Variants in NBEA observed in about 807,000 individuals in gnomAD.
NBEA encodes lysosomal-trafficking regulator 2.
In NBEA, 44 loss-of-function variants were observed where a neutral mutation model predicts 343.4. That is an observed-to-expected ratio of 0.13 (90% confidence interval 0.10 to 0.16). NBEA has a LOEUF of 0.16. Ranked by LOEUF, NBEA falls within the 10% of genes least tolerant of loss-of-function variation. The pLI, the probability that NBEA is intolerant of heterozygous loss-of-function variation, is 1.00. For synonymous variants in NBEA, 1,175 were observed against 1,238.7 expected (o/e 0.95, Z 1.08); for missense variants, 2,555 against 3,631.3 (o/e 0.70, Z 7.62).
intron 41 of NBEA, among the ~76,000 whole-genome samples, chr13:35,494,251 G>A (rs1031206697): frequency 6.6e-6 from 1 of 151,970 alleles, no homozygotes; most frequent in Admixed American, 6.6e-5. Context: ...AGTGAGATAT[G>A]TCAGAAGACT....
chr13:35,331,465 C>T (rs1005630149), intron 36 of NBEA, among the ~76,000 whole-genome samples: 11 of 152,006 alleles, frequency 7.2e-5, no homozygotes. Context: ...AACGTAGATA[C>T]AAACTAGTTC....
chr13:35,636,659 A>G (rs543580022), intron 49 of NBEA, among the ~76,000 whole-genome samples: 1 of 152,258 alleles, frequency 6.6e-6, no homozygotes, highest in Admixed American at 6.5e-5. Flanking sequence ...ATCAGCCAGC[A>G]TAGAGTTTAG....
chr13:35,372,697 T>C (rs569716864), intron 38 of NBEA, among the ~76,000 whole-genome samples: 2 of 152,140 alleles, frequency 1.3e-5, no homozygotes, highest in East Asian at 1.9e-4. Flanking sequence ...GTGGTGTCTA[T>C]CCTTAGCACA....
Position 35,196,049 on chromosome 13 carries a change from T to G in NBEA, c.5113T>G (p.Ser1705Ala). ...CCCTGATGCCATGAGTGAACTCTTA[T>G]CCACTTTGTCATCCGAAGTGAAGAA... ...TGPDAMSELL[S>A]TLSSEVKKSQ... The change falls in exon 31 of 59, where the codon TCC (serine) becomes GCC (alanine). Residue 1705 changes from serine (S) to alanine (A), a missense_variant. Coordinates refer to ENST00000379939, the MANE Select transcript of NBEA (RefSeq NM_001385012.1). 1 of 1,613,668 alleles carries G rather than the reference T, an allele frequency of 6.2e-7. No individual in the cohort carries two copies. The highest frequency in any genetic ancestry group is 8.5e-7 in the Non-Finnish European group (1 of 1,179,752).
intron 47 of NBEA, among the ~76,000 whole-genome samples, chr13:35,597,879 C>T (rs2081879986): frequency 6.6e-6 from 1 of 152,130 alleles, no homozygotes; most frequent in South Asian, 2.1e-4. Context: ...GACTCCACTT[C>T]CTGATGAGAT....
chr13:35,275,495 T>C (rs1337496497), intron 34 of NBEA, among the ~76,000 whole-genome samples: 1 of 152,050 alleles, frequency 6.6e-6, no homozygotes, highest in East Asian at 1.9e-4. Flanking sequence ...AAAGCCAAAA[T>C]AGACAAATGG....
Position 35,063,550 on chromosome 13 carries a change from A to G in NBEA, c.1239+4687A>G, listed in dbSNP as rs188986816. On this transcript the variant is annotated intron_variant, in intron 8 of 58. Transcript: ENST00000379939. Reference sequence around the variant, plus strand: ...ACAGAAGGAGCAAGGGGAAGAGTCAAGGAAGATTAATTCAGAGAACAATTA... The same window carrying G: ...ACAGAAGGAGCAAGGGGAAGAGTCAGGGAAGATTAATTCAGAGAACAATTA... 1.4e-4 allele frequency among the ~76,000 whole-genome samples: 21 copies of G among 152,128 alleles called. No homozygotes were observed. In the East Asian group the frequency reaches 3.9e-3, roughly 28 times the overall value.
intron 38 of NBEA, among the ~76,000 whole-genome samples, chr13:35,368,637 ACAAT>A (rs1327556629): frequency 2.6e-5 from 4 of 151,606 alleles, no homozygotes; most frequent in Admixed American, 6.6e-5. Flanking sequence ...ACTTCTTGAA[ACAAT>A]CTATACTCCA....
chr13:35,369,945 A>G (rs1347096668), intron 38 of NBEA, among the ~76,000 whole-genome samples: 1 of 151,942 alleles, frequency 6.6e-6, no homozygotes, highest in East Asian at 1.9e-4. Flanking sequence ...GTGTCATAAC[A>G]TATAGTCAGT....
chr13:35,494,750 C>A (rs901439046), intron 41 of NBEA, among the ~76,000 whole-genome samples: 1 of 151,968 alleles, frequency 6.6e-6, no homozygotes, highest in Non-Finnish European at 1.5e-5. Flanking sequence ...TGCAGTGGCT[C>A]CGTAATTTCA....
rs1210693528 is a variant in NBEA at position 35,397,374 on chromosome 13, A to G, written c.6180-34895A>G. Among the ~76,000 whole-genome samples, 5 of 152,150 alleles carry G rather than the reference A, an allele frequency of 3.3e-5. 1 individual carries two copies. The highest frequency in any genetic ancestry group is 3.9e-4 in the East Asian group (2 of 5,190). ...CAACTTCTCATAGAGGCTTTCCCCA[A>G]CCATACTGTATATAATATTTCTAGT... On this transcript the variant is annotated intron_variant, in intron 38 of 58. Coordinates refer to ENST00000379939, the MANE Select transcript of NBEA (RefSeq NM_001385012.1).
In NBEA at chr13:35,142,213, G is replaced by A. The variant is rs891167554; in HGVS notation, c.2337-56G>A. The stretch of plus-strand genomic sequence containing the variant: ...TTGTTCTCTCTTATCTAAAAGTCAT[G>A]TGATCGGAGAATCCAATGTGTTTCA... On this transcript the variant is annotated intron_variant, in intron 17 of 58. Transcript: ENST00000379939. 37 of 1,079,150 alleles carry A rather than the reference G, an allele frequency of 3.4e-5. 1 individual carries two copies. The highest frequency in any genetic ancestry group is 7.8e-5 in the African/African-American group (5 of 63,972). 66.8% of individuals were successfully genotyped at this position (1,079,150 alleles called of 1,614,324 possible). A position where few individuals can be genotyped will look rare whatever the true frequency, so the allele number is the denominator to read the frequency against.
At chr13:35,583,673 C>G (rs1204100521) in intron 45 of NBEA, among the ~76,000 whole-genome samples, 1 of 152,062 alleles carries the variant, frequency 6.6e-6, no homozygotes, top group Non-Finnish European at 1.5e-5. Context: ...TTGGTAAAGT[C>G]TAGATACTTT....
chr13:35,463,479 G>A (rs1384988156), intron 40 of NBEA, among the ~76,000 whole-genome samples: 1 of 152,032 alleles, frequency 6.6e-6, no homozygotes, highest in Non-Finnish European at 1.5e-5. Flanking sequence ...TAAAAAATTA[G>A]CCAGGTGTGG....
rs1177835901 is a variant in NBEA at position 35,617,107 on chromosome 13, C to T, written c.7449+10529C>T. Among the ~76,000 whole-genome samples the T allele has an allele frequency of 2.0e-5, 3 of 152,324 alleles. No homozygotes were observed. In the South Asian group the frequency reaches 6.2e-4, roughly 32 times the overall value. The stretch of plus-strand genomic sequence containing the variant: ...ATTGTGCATCTCTGGAAATATAAAA[C>T]ATTCTCAGAAATGAATAGTCCATTT... On this transcript the variant is annotated intron_variant, in intron 48 of 58. Coordinates refer to ENST00000379939, the MANE Select transcript of NBEA (RefSeq NM_001385012.1).
Position 35,159,898 on chromosome 13 carries a change from G to C in NBEA, c.3727G>C (p.Glu1243Gln), listed in dbSNP as rs1368286843. 1.3e-6 allele frequency: 2 copies of C among 1,599,342 alleles called. No individual in the cohort carries two copies. The highest frequency in any genetic ancestry group is 8.5e-7 in the Non-Finnish European group (1 of 1,172,164). The change falls in exon 22 of 59, where the codon GAA becomes CAA. Residue 1243 changes from glutamate to glutamine, a missense_variant. This residue lies in a region of NBEA where 367 missense variants were observed against 377.5 expected (regional missense o/e 0.97). Transcript: ENST00000379939. ...TGCTGAAATGACTGCTACAACTCTG[G>C]AAACTGAGTCTTCTAGTAGCAAAAT... ...EYAEMTATTL[E>Q]TESSSSKIVP...
chr13:35,295,338 GT>G (rs1594109126), intron 35 of NBEA, among the ~76,000 whole-genome samples: 1 of 151,654 alleles, frequency 6.6e-6, no homozygotes, highest in African/African-American at 2.4e-5. Flanking sequence ...TATAGATTCT[GT>G]TTTTAGAAGA....
chr13:35,320,756 T>A (rs2038080580), intron 36 of NBEA, among the ~76,000 whole-genome samples: 1 of 152,192 alleles, frequency 6.6e-6, no homozygotes, highest in South Asian at 2.1e-4. Context: ...TTTGGTCTTT[T>A]CACATGGTCC....
chr13:35,429,800 C>CGT (rs60362511), intron 38 of NBEA, among the ~76,000 whole-genome samples: 8,281 of 140,154 alleles, frequency 0.059, 367 homozygotes, highest in African/African-American at 0.13. Flanking sequence ...GAGTCCCCAA[C>CGT]GTGTGTGTGT....
Sources: gnomAD v4.1 joint callset for allele counts (sites outside exome capture counted in the v4.1 genomes callset) on GRCh38, gnomAD v4.1.1 for gene constraint, gnomAD v4.1.1 regional missense constraint, MANE v1.5 for transcripts, NCBI Gene and HGNC (gene_info 2026-07-23, HGNC 2026-07-21) for gene names.